Variants in ANKRD44 observed in about 807,000 individuals in gnomAD.
The protein encoded by ANKRD44 is ankyrin repeat domain 44, also known as serine/threonine-protein phosphatase 6 regulatory ankyrin repeat subunit B.
ANKRD44 carries 35 observed loss-of-function variants against 116.0 expected under a neutral mutation model. The ratio of observed to expected loss-of-function variants is 0.30; its 90% CI spans 0.23 to 0.40. The LOEUF (loss-of-function observed/expected upper bound fraction) is 0.40, where lower values mean the gene tolerates loss of function less well. ANKRD44 is among the 10% of genes least tolerant of loss of function. ANKRD44 has a pLI of 1.00. For synonymous variants in ANKRD44, 435 were observed against 461.8 expected, an observed-to-expected ratio of 0.94 and a Z score of 0.74; for missense variants, 1,014 against 1,242.6, an observed-to-expected ratio of 0.82 and a Z score of 2.77.
intron 2 of ANKRD44, among the ~76,000 whole-genome samples, chr2:197,160,063 C>G (rs762658814): frequency 3.9e-5 from 6 of 151,998 alleles, no homozygotes; most frequent in Non-Finnish European, 8.8e-5. Flanking sequence ...CACACATACA[C>G]ACATGCACAC....
chr2:197,236,656 C>CAA (rs35309161), intron 1 of ANKRD44, among the ~76,000 whole-genome samples: 3,481 of 138,814 alleles, frequency 0.025, 142 homozygotes, highest in African/African-American at 0.088. Flanking sequence ...CCATTTAATG[C>CAA]AAAAATAGTC....
At chr2:197,131,416 C>T (rs1387863263) in intron 4 of ANKRD44, among the ~76,000 whole-genome samples, 2 of 152,052 alleles carry the variant, frequency 1.3e-5, no homozygotes, top group African/African-American at 4.8e-5. Flanking sequence ...TGGTCTCGAT[C>T]TCCTGACCTC....
At chr2:197,064,894 C>T (rs574065601) in intron 16 of ANKRD44, among the ~76,000 whole-genome samples, 16 of 152,200 alleles carry the variant, frequency 1.1e-4, no homozygotes, top group Admixed American at 7.9e-4. Context: ...GACAGATCAA[C>T]GAGACAGAAA....
intron 2 of ANKRD44, among the ~76,000 whole-genome samples, chr2:197,180,629 G>A (rs1214693459): frequency 1.3e-5 from 2 of 152,082 alleles, no homozygotes; most frequent in Non-Finnish European, 2.9e-5. Context: ...AATCAAGTAG[G>A]ATATATGTAG....
intron 18 of ANKRD44, among the ~76,000 whole-genome samples, chr2:197,009,845 A>C (rs929867348): frequency 6.6e-6 from 1 of 151,894 alleles, no homozygotes; most frequent in Admixed American, 6.6e-5. Flanking sequence ...TCCTGTGTTG[A>C]GGGTTTTTTC....
chr2:197,203,495 A>T lies in ANKRD44; in HGVS notation c.28-16389T>A, dbSNP rs1265534748. The stretch of plus-strand genomic sequence containing the variant: ...AGAAATTGGAACATTGCTGATTGGA[A>T]TGTATAATAGTGCAGCTGCTGTGGA... On this transcript the variant is annotated intron_variant, in intron 1 of 27. Transcript: ENST00000282272. The surrounding 1 kb of genome is among the most constrained non-coding windows in gnomAD (Gnocchi z 4.1). 1.3e-5 allele frequency among the ~76,000 whole-genome samples: 2 copies of T among 152,182 alleles called. No homozygotes were observed. The highest frequency in any genetic ancestry group is 3.8e-4 in the East Asian group (2 of 5,202).
intron 1 of ANKRD44, among the ~76,000 whole-genome samples, chr2:197,294,618 T>C (rs987214878): frequency 6.6e-6 from 1 of 152,188 alleles, no homozygotes; most frequent in South Asian, 2.1e-4. Context: ...CACAAACTTA[T>C]AACCCACACA....
intron 16 of ANKRD44, among the ~76,000 whole-genome samples, chr2:197,027,798 CA>C (rs2076625933): frequency 6.6e-6 from 1 of 151,482 alleles, no homozygotes; most frequent in African/African-American, 2.4e-5. Flanking sequence ...CGGATTCTCC[CA>C]CTCTTCCCAA....
chr2:197,263,016 G>T, intron 1 of ANKRD44: 1 of 257,552 alleles, frequency 3.9e-6, no homozygotes, highest in South Asian at 4.5e-5. Flanking sequence ...GATATGCTCT[G>T]GTGCTGTCTG....
chr2:197,256,406 G>T (rs928590644), intron 1 of ANKRD44, among the ~76,000 whole-genome samples: 4 of 152,124 alleles, frequency 2.6e-5, no homozygotes, highest in African/African-American at 9.7e-5. Flanking sequence ...AAATTTAGAT[G>T]TTCTCCATAT....
intron 2 of ANKRD44, among the ~76,000 whole-genome samples, chr2:197,171,332 G>A (rs1328995092): frequency 6.6e-6 from 1 of 152,134 alleles, no homozygotes; most frequent in Non-Finnish European, 1.5e-5. Flanking sequence ...TTGGGCAGTT[G>A]TGCTAAACAC....
intron 2 of ANKRD44, among the ~76,000 whole-genome samples, chr2:197,180,152 G>A (rs1296231143): frequency 2.0e-5 from 3 of 150,894 alleles, no homozygotes; most frequent in Non-Finnish European, 4.4e-5. Context: ...TGGGGCCCTT[G>A]GCTTCGCAAC....
chr2:197,058,397 C>CT (rs34959135), intron 16 of ANKRD44, among the ~76,000 whole-genome samples: 111,840 of 142,250 alleles, frequency 0.79, 45,940 homozygotes, highest in East Asian at 0.97. Flanking sequence ...GGCTGTGAAT[C>CT]TTTTTTTTTT....
intron 10 of ANKRD44, among the ~76,000 whole-genome samples, chr2:197,097,386 G>A (rs1027101097): frequency 1.6e-4 from 25 of 152,280 alleles, no homozygotes; most frequent in African/African-American, 6.0e-4. Flanking sequence ...AATTAACACT[G>A]AGCATTTATT....
intron 21 of ANKRD44, among the ~76,000 whole-genome samples, chr2:196,972,462 G>A (rs1308488097): frequency 5.3e-5 from 8 of 152,100 alleles, no homozygotes; most frequent in Non-Finnish European, 4.4e-5. Flanking sequence ...TTGTCCTCCC[G>A]AAGTGCTGGG....
At chr2:197,113,208 A>C (rs367858841) in intron 8 of ANKRD44, among the ~76,000 whole-genome samples, 37 of 152,328 alleles carry the variant, frequency 2.4e-4, no homozygotes, top group African/African-American at 8.9e-4. Flanking sequence ...TGGGAAGGAG[A>C]GCTCCTAAAA....
At position 197,290,976 on chromosome 2, in the gene ANKRD44, A is replaced by G. The variant is rs576602080; in HGVS notation, c.27+19602T>C. ...GTAATCCCAACACTTTGGGAGGCCA[A>G]GGAGGGAGGATCCCTTGAGGCCAGG... On this transcript the variant is annotated intron_variant, in intron 1 of 27. Transcript: ENST00000282272. 1.2e-3 allele frequency among the ~76,000 whole-genome samples: 189 copies of G among 152,188 alleles called. 1 individual carries two copies. Among genetic ancestry groups the G allele is most frequent in the African/African-American group, 4.4e-3 (183 of 41,536 alleles).
chr2:197,006,530 T>C (rs2125910010), intron 20 of ANKRD44, among the ~76,000 whole-genome samples: 1 of 152,298 alleles, frequency 6.6e-6, no homozygotes, highest in South Asian at 2.1e-4. Flanking sequence ...TTGGCACCCC[T>C]GTGACAGGTC....
At chr2:197,288,942 G>T (rs2083482955) in intron 1 of ANKRD44, among the ~76,000 whole-genome samples, 1 of 152,090 alleles carries the variant, frequency 6.6e-6, no homozygotes, top group South Asian at 2.1e-4. Context: ...TTGGTTAATG[G>T]GTACTAACAT....
Sources: allele counts gnomAD v4.1 joint callset (sites outside exome capture counted in the v4.1 genomes callset), GRCh38; gene constraint gnomAD v4.1.1; non-coding constraint Gnocchi (gnomAD v3.1); transcripts MANE v1.5; gene names NCBI Gene and HGNC (gene_info 2026-07-23, HGNC 2026-07-21).